Variants in OR10J1 observed in about 807,000 individuals in gnomAD.
OR10J1 encodes olfactory receptor family 10 subfamily J member 1.
For missense variants in OR10J1, 474 were observed against 376.6 expected (o/e 1.26, Z -2.14); for synonymous variants, 202 against 143.8 (o/e 1.40, Z -2.89).
At chr1:159,410,670 T>C in the OR10J1 span, among the ~76,000 whole-genome samples, 5 of 151,672 alleles carry the variant, frequency 3.3e-5, no homozygotes, top group Admixed American at 3.3e-4. Flanking sequence ...CATTAATTTT[T>C]TGAAGGGTTT....
the OR10J1 span, among the ~76,000 whole-genome samples, chr1:159,422,146 T>C: frequency 6.6e-6 from 1 of 152,100 alleles, no homozygotes; most frequent in African/African-American, 2.4e-5. Context: ...ACTGTTAGGC[T>C]GGGCTGGGTG....
chr1:159,421,888 G>T, the OR10J1 span, among the ~76,000 whole-genome samples: 38 of 152,102 alleles, frequency 2.5e-4, no homozygotes, highest in Non-Finnish European at 5.1e-4. Flanking sequence ...GACTTGCTTG[G>T]GTACCAGCAG....
rs1655909407 is a variant in OR10J1 at position 159,440,500 on chromosome 1, T to C, written c.709T>C (p.Phe237Leu). 3 of 1,613,982 alleles carry C rather than the reference T, an allele frequency of 1.9e-6. No homozygotes were observed. The highest frequency in any genetic ancestry group is 2.5e-6 in the Non-Finnish European group (3 of 1,180,020). Reference sequence around the variant, plus strand: ...TTCAGTTGAGGGCCGGAAGAAGGCTTTTGCCACCTGTGCATCCCACCTCAC... The same window carrying C: ...TTCAGTTGAGGGCCGGAAGAAGGCTCTTGCCACCTGTGCATCCCACCTCAC... ...IASVEGRKKA[F>L]ATCASHLTVV... The change falls in exon 1 of 1, where the codon TTT (phenylalanine) becomes CTT (leucine). Residue 237 changes from phenylalanine (F) to leucine (L), a missense_variant. Transcript: ENST00000423932.
At chr1:159,432,405 T>C in the OR10J1 span, 5 of 403,706 alleles carry the variant, frequency 1.2e-5, no homozygotes, top group South Asian at 4.9e-4. Flanking sequence ...GAGTGTGCTG[T>C]CTATTTCTGA....
At chr1:159,427,763 C>A in the OR10J1 span, among the ~76,000 whole-genome samples, 3 of 151,704 alleles carry the variant, frequency 2.0e-5, no homozygotes, top group Non-Finnish European at 4.4e-5. Context: ...CCTTTCATAC[C>A]AAAAATAGCC....
the OR10J1 span, among the ~76,000 whole-genome samples, chr1:159,422,307 G>A: frequency 6.6e-6 from 1 of 152,246 alleles, no homozygotes; most frequent in East Asian, 1.9e-4. Context: ...GGGCAGCAGT[G>A]ACTGCACTGT....
At chr1:159,403,746 C>T in the OR10J1 span, among the ~76,000 whole-genome samples, 1 of 152,066 alleles carries the variant, frequency 6.6e-6, no homozygotes, top group African/African-American at 2.4e-5. Flanking sequence ...CCATATGATC[C>T]AGCAATCCAA....
At position 159,440,500 on chromosome 1, in the gene OR10J1, T is replaced by A; in HGVS notation, c.709T>A (p.Phe237Ile). The change falls in exon 1 of 1, where the codon TTT (phenylalanine) becomes ATT (isoleucine). Residue 237 changes from phenylalanine to isoleucine, a missense_variant. Coordinates refer to ENST00000423932, the MANE Select transcript of OR10J1 (RefSeq NM_012351.3). ...IASVEGRKKA[F>I]ATCASHLTVV... The stretch of plus-strand genomic sequence containing the variant: ...TTCAGTTGAGGGCCGGAAGAAGGCT[T>A]TTGCCACCTGTGCATCCCACCTCAC... 1 of 1,614,100 alleles carries A rather than the reference T, an allele frequency of 6.2e-7. No individual in the cohort carries two copies. The highest frequency in any genetic ancestry group is 8.5e-7 in the Non-Finnish European group (1 of 1,180,012).
chr1:159,421,058 T>A, the OR10J1 span, among the ~76,000 whole-genome samples: 4 of 152,150 alleles, frequency 2.6e-5, no homozygotes, highest in Non-Finnish European at 4.4e-5. Flanking sequence ...CACTTTCTGG[T>A]TCCCCATATG....
At chr1:159,400,324 T>C in the OR10J1 span, among the ~76,000 whole-genome samples, 3 of 151,778 alleles carry the variant, frequency 2.0e-5, no homozygotes, top group Non-Finnish European at 4.4e-5. Context: ...GATCTTTGCC[T>C]ACAAAAAACA....
chr1:159,425,131 A>G, the OR10J1 span, among the ~76,000 whole-genome samples: 1 of 152,200 alleles, frequency 6.6e-6, no homozygotes, highest in Non-Finnish European at 1.5e-5. Context: ...ACAAAATACA[A>G]CATATGTGGA....
At chr1:159,435,122 CA>C (rs1190970028), upstream of OR10J1, among the ~76,000 whole-genome samples, 1 of 152,124 alleles carries the variant, frequency 6.6e-6, no homozygotes, top group Non-Finnish European at 1.5e-5. Flanking sequence ...TAGACCTAAG[CA>C]AAGTGGTGTC....
chr1:159,409,021 A>G, the OR10J1 span, among the ~76,000 whole-genome samples: 1 of 152,094 alleles, frequency 6.6e-6, no homozygotes, highest in East Asian at 1.9e-4. Context: ...TTTCCAAAAC[A>G]CAAATGATGA....
chr1:159,431,894 T>G, the OR10J1 span, among the ~76,000 whole-genome samples: 1 of 152,186 alleles, frequency 6.6e-6, no homozygotes, highest in South Asian at 2.1e-4. Context: ...TAACACGATA[T>G]TTTCAACATA....
chr1:159,399,736 G>A, the OR10J1 span, among the ~76,000 whole-genome samples: 1 of 152,034 alleles, frequency 6.6e-6, no homozygotes, highest in Non-Finnish European at 1.5e-5. Flanking sequence ...TAACTGTTGT[G>A]TGTAAGTAAA....
chr1:159,413,279 G>A, the OR10J1 span, among the ~76,000 whole-genome samples: 91 of 152,200 alleles, frequency 6.0e-4, no homozygotes, highest in African/African-American at 2.1e-3. Flanking sequence ...TAGTCAGTGT[G>A]GCGATTCCTC....
the OR10J1 span, among the ~76,000 whole-genome samples, chr1:159,401,090 G>A: frequency 6.6e-6 from 1 of 151,338 alleles, no homozygotes; most frequent in Non-Finnish European, 1.5e-5. Flanking sequence ...AAACCTATGG[G>A]ATATAGCAAA....
At chr1:159,420,415 T>C in the OR10J1 span, among the ~76,000 whole-genome samples, 2 of 152,156 alleles carry the variant, frequency 1.3e-5, no homozygotes, top group Non-Finnish European at 2.9e-5. Flanking sequence ...TTCTCTCTTG[T>C]TGTTTATTAT....
At chr1:159,415,085 A>G in the OR10J1 span, among the ~76,000 whole-genome samples, 2 of 151,992 alleles carry the variant, frequency 1.3e-5, no homozygotes, top group African/African-American at 4.8e-5. Context: ...ATAGAGTTCA[A>G]TTTATCTGTT....
Sources: allele counts gnomAD v4.1 joint callset (sites outside exome capture counted in the v4.1 genomes callset), GRCh38; gene constraint gnomAD v4.1.1; transcripts MANE v1.5; gene names NCBI Gene and HGNC (gene_info 2026-07-23, HGNC 2026-07-21).